The following TAFA1 variants were observed in gnomAD, a reference collection of about 807,000 sequenced individuals.
TAFA1 encodes the protein chemokine-like protein TAFA-1.
In TAFA1, 4 loss-of-function variants were observed where a neutral mutation model predicts 18.5. That is an observed-to-expected ratio of 0.22 (90% CI 0.11 to 0.49). TAFA1 has a LOEUF of 0.49. TAFA1 is among the 20% of genes least tolerant of loss of function. TAFA1 has a pLI of 0.98. For synonymous variants in TAFA1, 56 were observed against 55.2 expected (o/e 1.01, Z -0.06); for missense variants, 147 against 169.0 (o/e 0.87, Z 0.72).
intron 2 of TAFA1, among the ~76,000 whole-genome samples, chr3:68,414,069 C>T (rs1472705169): frequency 6.6e-6 from 1 of 152,112 alleles, no homozygotes; most frequent in Non-Finnish European, 1.5e-5. Context: ...CTCTGGGAGG[C>T]CGAGACGGGT....
chr3:68,167,438 G>A (rs978054992), intron 2 of TAFA1, among the ~76,000 whole-genome samples: 8 of 152,020 alleles, frequency 5.3e-5, no homozygotes, highest in East Asian at 1.9e-4. Flanking sequence ...ATTGCCGGGC[G>A]TGGCGGCGTG....
intron 2 of TAFA1, among the ~76,000 whole-genome samples, chr3:68,324,222 T>C (rs1047872344): frequency 5.9e-5 from 9 of 152,208 alleles, no homozygotes; most frequent in African/African-American, 2.2e-4. Flanking sequence ...GTGTTTGTTT[T>C]TGATATTTTT....
At chr3:68,125,555 GA>G (rs2065454135) in intron 2 of TAFA1, among the ~76,000 whole-genome samples, 1 of 152,342 alleles carries the variant, frequency 6.6e-6, no homozygotes, top group Middle Eastern at 3.4e-3. Context: ...TAATATCTGA[GA>G]TGTGGAAGCC....
chr3:68,111,791 A>G (rs916345213), intron 2 of TAFA1, among the ~76,000 whole-genome samples: 1 of 151,340 alleles, frequency 6.6e-6, no homozygotes, highest in Admixed American at 6.6e-5. Flanking sequence ...AGAGAGAGAG[A>G]GAGAGAGAGA....
At chr3:68,061,243 T>C (rs1033097388) in intron 2 of TAFA1, among the ~76,000 whole-genome samples, 1 of 152,178 alleles carries the variant, frequency 6.6e-6, no homozygotes, top group African/African-American at 2.4e-5. Context: ...GGAGATTTAT[T>C]AAGTGTCAGG....
At chr3:68,531,553 C>T (rs1198183040) in intron 3 of TAFA1, among the ~76,000 whole-genome samples, 2 of 152,070 alleles carry the variant, frequency 1.3e-5, no homozygotes, top group African/African-American at 4.8e-5. Flanking sequence ...TGTGCTCATG[C>T]TCATTTGAGG....
chr3:68,391,459 T>C (rs1418085118), intron 2 of TAFA1, among the ~76,000 whole-genome samples: 2 of 152,092 alleles, frequency 1.3e-5, no homozygotes, highest in African/African-American at 4.8e-5. Flanking sequence ...CAGGAGAACT[T>C]CCCCAACCTA....
chr3:68,054,751 C>T (rs946028703), intron 2 of TAFA1, among the ~76,000 whole-genome samples: 1 of 152,212 alleles, frequency 6.6e-6, no homozygotes, highest in Non-Finnish European at 1.5e-5. Context: ...CTTTGCCAAC[C>T]TCTGAGTTTA....
intron 2 of TAFA1, among the ~76,000 whole-genome samples, chr3:68,171,525 A>T (rs965036629): frequency 7.3e-5 from 11 of 151,598 alleles, no homozygotes; most frequent in Admixed American, 7.2e-4. Context: ...GAGTGTCCAG[A>T]TTATATATTT....
intron 3 of TAFA1, among the ~76,000 whole-genome samples, chr3:68,477,803 G>A (rs2072132828): frequency 6.6e-6 from 1 of 152,114 alleles, no homozygotes; most frequent in Non-Finnish European, 1.5e-5. Context: ...TTCCAAAGAG[G>A]TTCTACCAAT....
At chr3:68,143,948 A>G (rs568671963) in intron 2 of TAFA1, among the ~76,000 whole-genome samples, 1 of 150,920 alleles carries the variant, frequency 6.6e-6, no homozygotes, top group East Asian at 1.9e-4. Flanking sequence ...CTGCATATCC[A>G]ACATGCTCTT....
chr3:68,111,926 C>T (rs2065267399), intron 2 of TAFA1, among the ~76,000 whole-genome samples: 1 of 152,028 alleles, frequency 6.6e-6, no homozygotes, highest in African/African-American at 2.4e-5. Context: ...AGTTATTTTT[C>T]AGATAGTTAT....
At position 68,074,372 on chromosome 3, in the gene TAFA1, G is replaced by A. The variant is rs577004482; in HGVS notation, c.118+67628G>A. On this transcript the variant is annotated intron_variant, in intron 2 of 4. Transcript: ENST00000478136. Reference sequence around the variant, plus strand: ...CGTGGTCTGGGGATTGGGAACCCCTGCCTTAGAGGCTGTATAGAAGCTTAA... The same window carrying A: ...CGTGGTCTGGGGATTGGGAACCCCTACCTTAGAGGCTGTATAGAAGCTTAA... 3.6e-3 allele frequency among the ~76,000 whole-genome samples: 546 copies of A among 152,262 alleles called. 1 individual carries two copies. Among genetic ancestry groups the A allele is most frequent in the African/African-American group, 0.012 (500 of 41,554 alleles).
At chr3:68,521,554 T>C (rs1575947135) in intron 3 of TAFA1, among the ~76,000 whole-genome samples, 1 of 152,074 alleles carries the variant, frequency 6.6e-6, no homozygotes, top group African/African-American at 2.4e-5. Flanking sequence ...CACAATACCA[T>C]AGAAGCCTAA....
intron 2 of TAFA1, among the ~76,000 whole-genome samples, chr3:68,010,253 C>G (rs935517354): frequency 2.0e-5 from 3 of 152,168 alleles, no homozygotes; most frequent in African/African-American, 7.2e-5. Context: ...CTTACGGGCA[C>G]TTTGGCTGTT....
chr3:68,163,520 T>C (rs2065949015), intron 2 of TAFA1, among the ~76,000 whole-genome samples: 1 of 152,222 alleles, frequency 6.6e-6, no homozygotes, highest in Non-Finnish European at 1.5e-5. Flanking sequence ...TTCGATTTCA[T>C]TGATCTTCCC....
At chr3:68,410,057 C>T (rs529269691) in intron 2 of TAFA1, among the ~76,000 whole-genome samples, 2 of 152,322 alleles carry the variant, frequency 1.3e-5, no homozygotes, top group African/African-American at 4.8e-5. Flanking sequence ...TTGCTAGGAG[C>T]ATATTGGACT....
chr3:68,334,594 C>A (rs2068939185), intron 2 of TAFA1, among the ~76,000 whole-genome samples: 1 of 152,032 alleles, frequency 6.6e-6, no homozygotes, highest in Admixed American at 6.6e-5. Flanking sequence ...CTGAGGCATG[C>A]CCTAAGATTC....
At chr3:68,095,055 T>G (rs1250696654) in intron 2 of TAFA1, among the ~76,000 whole-genome samples, 1 of 152,184 alleles carries the variant, frequency 6.6e-6, no homozygotes. Flanking sequence ...TCAGAGGCCC[T>G]TAAGTGGCTT....
Sources: allele counts gnomAD v4.1 joint callset (sites outside exome capture counted in the v4.1 genomes callset), GRCh38; gene constraint gnomAD v4.1.1; transcripts MANE v1.5; gene names NCBI Gene and HGNC (gene_info 2026-07-23, HGNC 2026-07-21).